Variants in PAX7 observed in about 807,000 individuals in gnomAD.
PAX7 encodes paired box protein Pax-7.
In PAX7, 18 loss-of-function variants were observed where a neutral mutation model predicts 50.7. The observed-to-expected ratio is 0.36, with a 90% CI of 0.25 to 0.53. The LOEUF (loss-of-function observed/expected upper bound fraction) is 0.53, where lower values mean the gene tolerates loss of function less well. Among genes scored for constraint, PAX7 ranks in the 20% least tolerant of loss-of-function variants. The pLI is 0.93. For missense variants in PAX7, 644 were observed against 702.9 expected (o/e 0.92, Z 0.95); for synonymous variants, 310 against 290.4 (o/e 1.07, Z -0.69).
chr1:18,717,261 C>T (rs1042904741), intron 7 of PAX7, among the ~76,000 whole-genome samples: 1 of 152,208 alleles, frequency 6.6e-6, no homozygotes, highest in Non-Finnish European at 1.5e-5. Context: ...GGAGCCGCCG[C>T]TCGCTCGTCC....
At chr1:18,658,201 C>T (rs1431320499) in intron 4 of PAX7, among the ~76,000 whole-genome samples, 2 of 152,114 alleles carry the variant, frequency 1.3e-5, no homozygotes, top group Admixed American at 6.5e-5. Flanking sequence ...TAAATACACC[C>T]TTCTCCTCCT....
intron 7 of PAX7, among the ~76,000 whole-genome samples, chr1:18,716,508 T>G (rs116176658): frequency 2.3e-3 from 50 of 22,094 alleles, no homozygotes; most frequent in Middle Eastern, 0.024. Context: ...TTTTTTGTTT[T>G]TTGTTTTTTT....
intron 8 of PAX7, among the ~76,000 whole-genome samples, chr1:18,737,316 C>G (rs1930790492): frequency 6.6e-6 from 1 of 152,250 alleles, no homozygotes; most frequent in East Asian, 1.9e-4. Context: ...TTTCTGACCT[C>G]TGCTTCCTGC....
intron 4 of PAX7, among the ~76,000 whole-genome samples, chr1:18,647,360 C>G (rs1244267173): frequency 6.6e-6 from 1 of 152,130 alleles, no homozygotes; most frequent in Non-Finnish European, 1.5e-5. Flanking sequence ...CTCAGGCTCT[C>G]TAGTCCTCCT....
At chr1:18,656,347 A>T (rs937649761) in intron 4 of PAX7, among the ~76,000 whole-genome samples, 2 of 152,026 alleles carry the variant, frequency 1.3e-5, no homozygotes, top group African/African-American at 4.8e-5. Flanking sequence ...TACAAAAAAC[A>T]AATTAGCCAG....
In PAX7 at chr1:18,745,059, C is replaced by A; in HGVS notation, c.*130C>A. ...GGAAAGGAGCCCACCTGCTTCTCAT[C>A]ACCAGCCCCCTGGAGGTAGACAGCC... On this transcript the variant is annotated 3_prime_UTR_variant, in exon 9 of 9. Coordinates refer to ENST00000420770, the MANE Select transcript of PAX7 (RefSeq NM_001135254.2). 1 of 623,650 alleles carries A rather than the reference C, an allele frequency of 1.6e-6. No homozygotes were observed. The highest frequency in any genetic ancestry group is 1.8e-5 in the African/African-American group (1 of 54,260). 38.6% of individuals were successfully genotyped at this position (623,650 alleles called of 1,614,324 possible). A position where few individuals can be genotyped will look rare whatever the true frequency, so the allele number is the denominator to read the frequency against.
chr1:18,678,200 T>C (rs925433773), intron 4 of PAX7, among the ~76,000 whole-genome samples: 2 of 151,768 alleles, frequency 1.3e-5, no homozygotes, highest in African/African-American at 4.8e-5. Flanking sequence ...TTACCTGAGG[T>C]TGGGAATTCG....
chr1:18,676,917 A>AG lies in PAX7; in HGVS notation c.587-14833dup, dbSNP rs151200586. ...AGATCCAGGAAGACCCCTTGGTTTT[A>AG]GGGGTAGGGAAAATGCAGCTCAGAG... On this transcript the variant is annotated intron_variant, in intron 4 of 8. Coordinates refer to ENST00000420770, the MANE Select transcript of PAX7 (RefSeq NM_001135254.2). Among the ~76,000 whole-genome samples, 1,279 of 152,212 alleles carry AG rather than the reference A, an allele frequency of 8.4e-3. 18 individuals are homozygous for AG. The highest frequency in any genetic ancestry group is 0.028 in the African/African-American group (1,180 of 41,536).
Position 18,700,916 on chromosome 1 carries a change from C to G in PAX7, c.952+98C>G. The G allele has an allele frequency of 8.5e-7, 1 of 1,169,854 alleles. No individual in the cohort carries two copies. Among genetic ancestry groups the G allele is most frequent in the African/African-American group, 1.6e-5 (1 of 61,714 alleles). The allele number at this position is 1,169,854 out of a possible 1,614,324, so 72.5% of individuals were successfully genotyped here. ...GCTCTTCTTTTTTTTATGACCATTT[C>G]TTACTTTCATGTAAGCAGGCTATTG... On this transcript the variant is annotated intron_variant, in intron 6 of 8. Transcript: ENST00000420770. This position sits in a 1 kb window ranked among gnomAD's most constrained non-coding sequence, Gnocchi z 4.8.
chr1:18,727,830 G>A (rs34104463), intron 7 of PAX7, among the ~76,000 whole-genome samples: 7,194 of 152,206 alleles, frequency 0.047, 264 homozygotes, highest in South Asian at 0.13. Flanking sequence ...GGTGTGGGAT[G>A]CTGGTAGTGG....
intron 4 of PAX7, among the ~76,000 whole-genome samples, chr1:18,686,498 T>TC (rs2088978051): frequency 6.6e-6 from 1 of 152,096 alleles, no homozygotes; most frequent in Non-Finnish European, 1.5e-5. Context: ...CCATGTTCAC[T>TC]CCCCCCACGT....
At chr1:18,646,031 A>G (rs2088332601) in intron 4 of PAX7, among the ~76,000 whole-genome samples, 1 of 152,222 alleles carries the variant, frequency 6.6e-6, no homozygotes, top group African/African-American at 2.4e-5. Context: ...TGGTAGAAAA[A>G]TAAAGTCCAA....
In PAX7 at chr1:18,687,386, A is replaced by G. The variant is rs150335669; in HGVS notation, c.587-4368A>G. ...GCTGCCGAGACCAGGATTCCTGATTAGACCGGGGCTGTCCCAGAGGACCCT... is the reference window on the plus strand; with the variant it reads ...GCTGCCGAGACCAGGATTCCTGATTGGACCGGGGCTGTCCCAGAGGACCCT... On this transcript the variant is annotated intron_variant, in intron 4 of 8. Transcript: ENST00000420770. 5.3e-3 allele frequency among the ~76,000 whole-genome samples: 808 copies of G among 152,290 alleles called. 4 individuals carry two copies. Among genetic ancestry groups the G allele is most frequent in the Non-Finnish European group, 8.0e-3 (541 of 68,014 alleles).
Position 18,636,361 on chromosome 1 carries a change from G to A in PAX7, c.576G>A (p.Leu192=). ...KKAKHSIDGI[L]GDKGNRLDEG... ...CCAAACACAGCATCGACGGCATCCT[G>A]GGCGACAAAGGTAGGGAACTTCCCT... Residue 192 remains leucine, a synonymous_variant, in exon 4 of 9, where the codon CTG becomes CTA. Coordinates refer to ENST00000420770, the MANE Select transcript of PAX7 (RefSeq NM_001135254.2). The surrounding 1 kb of genome is among the most constrained non-coding windows in gnomAD (Gnocchi z 5.1). The A allele has an allele frequency of 6.2e-7, 1 of 1,614,186 alleles. No homozygotes were observed. The highest frequency in any genetic ancestry group is 8.5e-7 in the Non-Finnish European group (1 of 1,179,990).
intron 8 of PAX7, among the ~76,000 whole-genome samples, chr1:18,742,239 G>C (rs1931187806): frequency 1.4e-5 from 2 of 141,434 alleles, no homozygotes; most frequent in Non-Finnish European, 3.0e-5. Flanking sequence ...CTCACTGCAA[G>C]CTCCGCCTCC....
chr1:18,675,079 T>C (rs2100249558), intron 4 of PAX7, among the ~76,000 whole-genome samples: 1 of 152,292 alleles, frequency 6.6e-6, no homozygotes, highest in Non-Finnish European at 1.5e-5. Context: ...CTTTGCTGCT[T>C]AGCATCTGAG....
intron 4 of PAX7, among the ~76,000 whole-genome samples, chr1:18,651,323 A>C (rs1361106776): frequency 2.0e-5 from 3 of 152,230 alleles, no homozygotes; most frequent in Non-Finnish European, 4.4e-5. Context: ...TGGCTCTAAA[A>C]TGTATATGCA....
Position 18,746,910 on chromosome 1 carries a change from C to T in PAX7, c.*1981C>T, listed in dbSNP as rs1931467438. On this transcript the variant is annotated 3_prime_UTR_variant, in exon 9 of 9. Coordinates refer to ENST00000420770, the MANE Select transcript of PAX7 (RefSeq NM_001135254.2). ...CTATGAATAACTGGGGACAAACAGACTCTTTGGTAGCAGCAGACACATGTG... is the reference window on the plus strand; with the variant it reads ...CTATGAATAACTGGGGACAAACAGATTCTTTGGTAGCAGCAGACACATGTG... The T allele has an allele frequency of 8.6e-6, 2 of 231,786 alleles. No individual in the cohort carries two copies. The highest frequency in any genetic ancestry group is 1.7e-5 in the Non-Finnish European group (2 of 117,212). 14.4% of individuals were successfully genotyped at this position (231,786 alleles called of 1,614,324 possible).
intron 4 of PAX7, among the ~76,000 whole-genome samples, chr1:18,662,334 G>A (rs1055102873): frequency 3.3e-5 from 5 of 152,162 alleles, no homozygotes; most frequent in African/African-American, 7.2e-5. Context: ...GAGAATGCGC[G>A]GGGCAATGCT....
Sources: gnomAD v4.1 joint callset for allele counts (sites outside exome capture counted in the v4.1 genomes callset) on GRCh38, gnomAD v4.1.1 for gene constraint, Gnocchi (gnomAD v3.1) non-coding constraint, MANE v1.5 for transcripts, NCBI Gene and HGNC (gene_info 2026-07-23, HGNC 2026-07-21) for gene names.